Variants in TEX15 observed in about 807,000 individuals in gnomAD.
The protein encoded by TEX15 is testis-expressed protein 15.
TEX15 carries 171 observed loss-of-function variants against 237.3 expected under a neutral mutation model. The observed-to-expected ratio is 0.72, with a 90% confidence interval of 0.64 to 0.82. TEX15 has a LOEUF of 0.82. Among genes scored for constraint, TEX15 ranks in the 40% least tolerant of loss-of-function variants. The probability of loss-of-function intolerance (pLI) is 0.00; values close to 1 mark genes in which losing one functional copy is unlikely to be tolerated. For synonymous variants in TEX15, 1,338 were observed against 1,269.8 expected (o/e 1.05, Z -1.14); for missense variants, 3,750 against 3,646.5 (o/e 1.03, Z -0.73).
chr8:30,861,487 A>G (rs1345344119), intron 5 of TEX15, among the ~76,000 whole-genome samples: 2 of 152,204 alleles, frequency 1.3e-5, no homozygotes, highest in Non-Finnish European at 2.9e-5. Context: ...AATACTAAGA[A>G]TAAAGTGGTA....
chr8:30,897,915 C>T (rs2128778375), intron 2 of TEX15, among the ~76,000 whole-genome samples: 1 of 152,290 alleles, frequency 6.6e-6, no homozygotes, highest in African/African-American at 2.4e-5. Flanking sequence ...CCTCCTGCCT[C>T]TGCCTCTCAA....
intron 7 of TEX15, among the ~76,000 whole-genome samples, chr8:30,854,729 C>G (rs1271300554): frequency 6.6e-6 from 1 of 151,888 alleles, no homozygotes; most frequent in African/African-American, 2.4e-5. Flanking sequence ...AATATGGACA[C>G]AAAAATCCCC....
At chr8:30,853,739 T>C (rs1458203880) in intron 7 of TEX15, among the ~76,000 whole-genome samples, 3 of 152,134 alleles carry the variant, frequency 2.0e-5, no homozygotes, top group Non-Finnish European at 4.4e-5. Context: ...ACATGGATCA[T>C]TCTCCAGGAA....
intron 10 of TEX15, among the ~76,000 whole-genome samples, chr8:30,835,497 C>T (rs1450491031): frequency 6.6e-6 from 1 of 152,000 alleles, no homozygotes; most frequent in Non-Finnish European, 1.5e-5. Context: ...CAGCTTGAGC[C>T]CAGGAGTTTG....
At chr8:30,866,322 A>G (rs935902247) in intron 5 of TEX15, among the ~76,000 whole-genome samples, 1 of 151,152 alleles carries the variant, frequency 6.6e-6, no homozygotes, top group African/African-American at 2.4e-5. Flanking sequence ...AGAAAGGACA[A>G]AAAGGGAGAA....
intron 10 of TEX15, among the ~76,000 whole-genome samples, chr8:30,836,321 C>T (rs1366588865): frequency 7.2e-6 from 1 of 138,844 alleles, no homozygotes; most frequent in Non-Finnish European, 1.5e-5. Context: ...TCAAGCGATT[C>T]TCTTTCCTCA....
In TEX15 at chr8:30,843,383, T is replaced by C; in HGVS notation, c.6784A>G (p.Ile2262Val). Residue 2262 changes from isoleucine (I) to valine (V), a missense_variant, in exon 8 of 11, where the codon ATA becomes GTA. Transcript: ENST00000643185. ...ATATGTTCCAGACCATAAAGAGATATTTTAACACGTACTGCCTCGTTGTTC... is the reference window on the plus strand; with the variant it reads ...ATATGTTCCAGACCATAAAGAGATACTTTAACACGTACTGCCTCGTTGTTC... The part of the protein sequence containing the change: ...IKNNEAVRVK[I>V]SLYGLEHIFF... The C allele has an allele frequency of 6.2e-7, 1 of 1,613,016 alleles. No homozygotes were observed. Among genetic ancestry groups the C allele is most frequent in the South Asian group, 1.1e-5 (1 of 91,042 alleles).
At chr8:30,876,194 C>T (rs117317084) in intron 3 of TEX15, among the ~76,000 whole-genome samples, 5,706 of 152,264 alleles carry the variant, frequency 0.037, 172 homozygotes, top group Non-Finnish European at 0.054. Flanking sequence ...ACAAACCAAT[C>T]TCATCAGTTT....
At position 30,845,999 on chromosome 8, in the gene TEX15, C is replaced by G. The variant is rs1807594999; in HGVS notation, c.4168G>C (p.Ala1390Pro). Residue 1390 changes from alanine (A) to proline (P), a missense_variant, in exon 8 of 11, where the codon GCT becomes CCT. Physicochemically the swap from Ala to Pro is conservative, Grantham distance 27. Transcript: ENST00000643185. ...LDKAVVHLKK[A>P]HRRVHTSLQL... ...AAAGATGTGTGAACTCTTCTATGAG[C>G]TTTTTTTAAGTGAACAACTGCTTTG... 3.1e-6 allele frequency: 5 copies of G among 1,612,864 alleles called. No individual in the cohort carries two copies. The highest frequency in any genetic ancestry group is 4.2e-6 in the Non-Finnish European group (5 of 1,179,492).
intron 7 of TEX15, among the ~76,000 whole-genome samples, chr8:30,856,670 C>T (rs1014929568): frequency 4.6e-5 from 7 of 151,792 alleles, no homozygotes; most frequent in Admixed American, 1.3e-4. Context: ...AATTGACATA[C>T]AATAGAAAAT....
chr8:30,853,603 A>G (rs960784869), intron 7 of TEX15, among the ~76,000 whole-genome samples: 1 of 152,184 alleles, frequency 6.6e-6, no homozygotes, highest in African/African-American at 2.4e-5. Flanking sequence ...TGTAGGTTAT[A>G]TGCAAATATT....
At chr8:30,865,625 C>T (rs1174487870) in intron 5 of TEX15, among the ~76,000 whole-genome samples, 4 of 151,912 alleles carry the variant, frequency 2.6e-5, no homozygotes, top group Admixed American at 6.6e-5. Context: ...TTCATACCAG[C>T]GATGCAAGGA....
At chr8:30,901,572 A>C (rs1048054940) in intron 1 of TEX15, among the ~76,000 whole-genome samples, 4 of 152,226 alleles carry the variant, frequency 2.6e-5, no homozygotes, top group African/African-American at 9.6e-5. Context: ...AGGAAATTGT[A>C]TGGGAGTACA....
chr8:30,867,631 G>T, intron 4 of TEX15, 129 bp from the exon 5 acceptor site: 1 of 599,254 alleles, frequency 1.7e-6, no homozygotes, highest in Non-Finnish European at 2.9e-6. Context: ...TTACTACACT[G>T]TGATGATAAA....
At chr8:30,851,640 AG>A (rs1224370079) in intron 7 of TEX15, among the ~76,000 whole-genome samples, 2 of 151,206 alleles carry the variant, frequency 1.3e-5, no homozygotes, top group African/African-American at 2.4e-5. Flanking sequence ...TCAAGGAAAA[AG>A]AAAAAAAAAA....
intron 1 of TEX15, among the ~76,000 whole-genome samples, chr8:30,908,100 T>A (rs915388637): frequency 1.4e-4 from 22 of 152,062 alleles, no homozygotes; most frequent in Non-Finnish European, 1.5e-4. Flanking sequence ...ATACTTAAAT[T>A]TTTTGTAGAG....
intron 7 of TEX15, among the ~76,000 whole-genome samples, chr8:30,854,467 C>T (rs941885833): frequency 1.4e-4 from 21 of 151,922 alleles, no homozygotes; most frequent in African/African-American, 5.1e-4. Context: ...AAGAACAGAC[C>T]TAAAACAAGT....
chr8:30,852,100 C>CTTTTTTTT lies in TEX15; in HGVS notation c.851-2792_851-2785dup, dbSNP rs910989172. Among the ~76,000 whole-genome samples, 29 of 90,408 alleles carry CTTTTTTTT rather than the reference C, an allele frequency of 3.2e-4. 6 individuals carry two copies. The highest frequency in any genetic ancestry group is 1.5e-3 in the African/African-American group (27 of 18,178). 59.3% of individuals were successfully genotyped at this position (90,408 alleles called of 152,430 possible). A position where few individuals can be genotyped will look rare whatever the true frequency, so the allele number is the denominator to read the frequency against. ...AGTGCCTTATGTACATTAATTTAAT[C>CTTTTTTTT]TTTTTTTTTTTTTTTTTTTTTTTTT... is the stretch of plus-strand genomic sequence containing the variant. On this transcript the variant is annotated intron_variant, in intron 7 of 10. Transcript: ENST00000643185.
chr8:30,840,032 TTCAA>T, intron 8 of TEX15, 68 bp from the exon 9 acceptor site: 3 of 927,022 alleles, frequency 3.2e-6, no homozygotes, highest in Non-Finnish European at 4.7e-6. Flanking sequence ...TAATTATTAT[TTCAA>T]TATTAGATAT....
Sources: allele counts gnomAD v4.1 joint callset (sites outside exome capture counted in the v4.1 genomes callset), GRCh38; gene constraint gnomAD v4.1.1; transcripts MANE v1.5; gene names NCBI Gene and HGNC (gene_info 2026-07-23, HGNC 2026-07-21).